The following ADGRG6 variants were observed in gnomAD, a reference collection of about 807,000 sequenced individuals.
The protein encoded by ADGRG6 is adhesion G protein-coupled receptor G6.
Under a neutral mutation model 142.4 loss-of-function variants are expected in ADGRG6, and 84 were observed. The ratio of observed to expected loss-of-function variants is 0.59; its 90% CI spans 0.49 to 0.71. The LOEUF is 0.71. ADGRG6 is among the 30% of genes least tolerant of loss of function. The probability of loss-of-function intolerance (pLI) is 0.00; values close to 1 mark genes in which losing one functional copy is unlikely to be tolerated. For synonymous variants in ADGRG6, 521 were observed against 520.5 expected, an observed-to-expected ratio of 1.00 and a Z score of -0.01; for missense variants, 1,367 against 1,466.6, an observed-to-expected ratio of 0.93 and a Z score of 1.11.
intron 7 of ADGRG6, among the ~76,000 whole-genome samples, chr6:142,391,298 A>G (rs1774883332): frequency 6.6e-6 from 1 of 151,690 alleles, no homozygotes; most frequent in Non-Finnish European, 1.5e-5. Flanking sequence ...TAATGCTGTT[A>G]CAGTTCAAAC....
chr6:142,408,401 A>G (rs1775922899), intron 16 of ADGRG6, 132 bp downstream of exon 16: 1 of 576,270 alleles, frequency 1.7e-6, no homozygotes, highest in Non-Finnish European at 3.0e-6. Context: ...CTATAAAGAG[A>G]GAACAACTGA....
intron 22 of ADGRG6, among the ~76,000 whole-genome samples, chr6:142,431,711 T>C (rs1777214589): frequency 6.6e-6 from 1 of 151,934 alleles, no homozygotes; most frequent in Non-Finnish European, 1.5e-5. Flanking sequence ...GATCACGAGC[T>C]CAGGAGTTTG....
At chr6:142,365,950 A>G (rs766756005) in intron 2 of ADGRG6, among the ~76,000 whole-genome samples, 2 of 152,142 alleles carry the variant, frequency 1.3e-5, no homozygotes, top group Non-Finnish European at 2.9e-5. Flanking sequence ...AAATTTAGTT[A>G]TTTTCATTAA....
At chr6:142,345,795 A>C (rs1480295126) in intron 2 of ADGRG6, among the ~76,000 whole-genome samples, 1 of 152,170 alleles carries the variant, frequency 6.6e-6, no homozygotes, top group Non-Finnish European at 1.5e-5. Flanking sequence ...AAATTTGACT[A>C]TTTCAGTAGT....
At chr6:142,358,679 G>A (rs1462112782) in intron 2 of ADGRG6, among the ~76,000 whole-genome samples, 1 of 152,122 alleles carries the variant, frequency 6.6e-6, no homozygotes, top group Non-Finnish European at 1.5e-5. Context: ...GGCCGAGGAG[G>A]GCGGATCATG....
At chr6:142,372,798 C>G (rs1781319261) in intron 4 of ADGRG6, among the ~76,000 whole-genome samples, 1 of 152,118 alleles carries the variant, frequency 6.6e-6, no homozygotes, top group East Asian at 1.9e-4. Flanking sequence ...TGGTGCACTT[C>G]CTGCATTCTG....
At chr6:142,393,067 CTGAT>C (rs1774984613) in intron 8 of ADGRG6, 67 bp downstream of exon 8, 3 of 834,036 alleles carry the variant, frequency 3.6e-6, no homozygotes, top group Non-Finnish European at 6.1e-6. Context: ...ATTTGTCTCT[CTGAT>C]TGTACCAAAA....
chr6:142,336,714 A>G (rs556310219), intron 2 of ADGRG6, among the ~76,000 whole-genome samples: 18 of 152,318 alleles, frequency 1.2e-4, no homozygotes, highest in Non-Finnish European at 2.4e-4. Flanking sequence ...ACACACATGC[A>G]TATTTATTAC....
At chr6:142,388,466 C>T (rs1199373594) in intron 6 of ADGRG6, among the ~76,000 whole-genome samples, 1 of 152,020 alleles carries the variant, frequency 6.6e-6, no homozygotes, top group East Asian at 1.9e-4. Context: ...TGCTCCTCCA[C>T]TTACGGTAGG....
At chr6:142,414,806 C>T (rs964659148) in intron 18 of ADGRG6, among the ~76,000 whole-genome samples, 163 bp from the exon 19 acceptor site, 16 of 151,986 alleles carry the variant, frequency 1.1e-4, no homozygotes, top group Non-Finnish European at 2.2e-4. Flanking sequence ...ATTTATTGAT[C>T]GAAAATAATA....
rs1032169570 is a variant in ADGRG6 at position 142,396,128 on chromosome 6, A to G, written c.1425-1485A>G. On this transcript the variant is annotated intron_variant, in intron 9 of 24. Transcript: ENST00000367609. ...AATATCACCCACAATACTTTGGGCT[A>G]ATTATGTTCTCAGTATTCAAGACAA... Among the ~76,000 whole-genome samples the G allele has an allele frequency of 6.6e-5, 10 of 152,296 alleles. No homozygotes were observed. The East Asian group carries it at 1.9e-3, about 29-fold the overall frequency.
intron 14 of ADGRG6, chr6:142,405,320 T>C (rs887586905): frequency 8.7e-6 from 4 of 459,380 alleles, no homozygotes; most frequent in Non-Finnish European, 8.7e-6. Flanking sequence ...TCTTTCTCTC[T>C]CCCTTGCCCC....
At chr6:142,377,763 G>C (rs1781572667) in intron 4 of ADGRG6, among the ~76,000 whole-genome samples, 3 of 152,140 alleles carry the variant, frequency 2.0e-5, no homozygotes, top group Admixed American at 6.5e-5. Flanking sequence ...TTTTTATGCA[G>C]ATATGCTGAA....
At chr6:142,312,558 T>A (rs1343296861) in intron 2 of ADGRG6, among the ~76,000 whole-genome samples, 4 of 152,036 alleles carry the variant, frequency 2.6e-5, no homozygotes, top group African/African-American at 7.2e-5. Flanking sequence ...TTGAAACCAT[T>A]TAGAAAAGTT....
intron 21 of ADGRG6, among the ~76,000 whole-genome samples, chr6:142,418,272 G>C (rs1404326884): frequency 6.7e-6 from 1 of 148,766 alleles, no homozygotes; most frequent in African/African-American, 2.5e-5. Flanking sequence ...ACTCCAGCCT[G>C]GGCAACAGAG....
chr6:142,409,777 T>A (rs1775989531), intron 16 of ADGRG6, 97 bp from the exon 17 acceptor site: 1 of 583,498 alleles, frequency 1.7e-6, no homozygotes, highest in Admixed American at 3.3e-5. Flanking sequence ...TACTAATCTA[T>A]TTCTTTGTGA....
chr6:142,324,031 T>A (rs972915034), intron 2 of ADGRG6, among the ~76,000 whole-genome samples: 30 of 152,106 alleles, frequency 2.0e-4, no homozygotes, highest in African/African-American at 6.5e-4. Context: ...AGTGTGTTAA[T>A]ACCATTACTT....
chr6:142,436,385 C>G (rs1042727698), intron 22 of ADGRG6, among the ~76,000 whole-genome samples: 10 of 152,040 alleles, frequency 6.6e-5, no homozygotes, highest in African/African-American at 2.4e-4. Context: ...GCTGCCGAGA[C>G]GTCTAGTAAA....
At chr6:142,346,992 TCTG>T in intron 2 of ADGRG6, among the ~76,000 whole-genome samples, 1 of 152,264 alleles carries the variant, frequency 6.6e-6, no homozygotes, top group Admixed American at 6.5e-5. Context: ...ACCTGTACCT[TCTG>T]CACATGTATC....
Sources: allele counts gnomAD v4.1 joint callset (sites outside exome capture counted in the v4.1 genomes callset), GRCh38; gene constraint gnomAD v4.1.1; transcripts MANE v1.5; gene names NCBI Gene and HGNC (gene_info 2026-07-23, HGNC 2026-07-21).